The following RUNX2 variants were observed in gnomAD, a reference collection of about 807,000 sequenced individuals.
RUNX2 encodes the protein RUNX family transcription factor 2.
RUNX2 carries 10 observed loss-of-function variants against 51.7 expected under a neutral mutation model. That is an observed-to-expected ratio of 0.19 (90% CI 0.12 to 0.33). The LOEUF (loss-of-function observed/expected upper bound fraction) is 0.33, where lower values mean the gene tolerates loss of function less well. RUNX2 is among the 10% of genes least tolerant of loss of function. The pLI is 1.00. For missense variants in RUNX2, 562 were observed against 691.3 expected, an observed-to-expected ratio of 0.81 and a Z score of 2.10; for synonymous variants, 276 against 273.6, an observed-to-expected ratio of 1.01 and a Z score of -0.09.
intron 7 of RUNX2, among the ~76,000 whole-genome samples, chr6:45,537,482 T>C (rs540301733): frequency 6.6e-6 from 1 of 152,320 alleles, no homozygotes; most frequent in East Asian, 1.9e-4. Context: ...ATTCATATAG[T>C]ATAGTCAGTG....
At chr6:45,390,517 G>A (rs910490011) in intron 2 of RUNX2, among the ~76,000 whole-genome samples, 4 of 152,214 alleles carry the variant, frequency 2.6e-5, no homozygotes, top group Non-Finnish European at 5.9e-5. Flanking sequence ...ATGAGAAACT[G>A]AGAAGTGACT....
intron 2 of RUNX2, among the ~76,000 whole-genome samples, chr6:45,381,220 G>A (rs1188544920): frequency 2.0e-5 from 3 of 152,098 alleles, no homozygotes. Context: ...TACTCAGCCC[G>A]GTAGTACCTG....
chr6:45,338,945 G>A (rs916504459), intron 2 of RUNX2, among the ~76,000 whole-genome samples: 1 of 151,980 alleles, frequency 6.6e-6, no homozygotes, highest in African/African-American at 2.4e-5. Context: ...AGACACATAA[G>A]TATAAACTAT....
chr6:45,518,713 A>T (rs1003162067), intron 7 of RUNX2, among the ~76,000 whole-genome samples: 1 of 152,198 alleles, frequency 6.6e-6, no homozygotes, highest in Non-Finnish European at 1.5e-5. Flanking sequence ...ACCCACACAT[A>T]GGGAAAAGAT....
At chr6:45,454,899 A>G (rs1799277751) in intron 5 of RUNX2, among the ~76,000 whole-genome samples, 1 of 152,148 alleles carries the variant, frequency 6.6e-6, no homozygotes, top group South Asian at 2.1e-4. Flanking sequence ...GGATCACTTG[A>G]GGTCAGGAGT....
intron 2 of RUNX2, among the ~76,000 whole-genome samples, chr6:45,359,263 T>A: frequency 6.6e-6 from 1 of 152,180 alleles, no homozygotes; most frequent in Non-Finnish European, 1.5e-5. Flanking sequence ...CCTATTTCAT[T>A]TCTGAAAGGA....
chr6:45,479,589 T>C (rs1271784019), intron 5 of RUNX2, among the ~76,000 whole-genome samples: 2 of 152,132 alleles, frequency 1.3e-5, no homozygotes, highest in Non-Finnish European at 1.5e-5. Flanking sequence ...TATAACCACA[T>C]ATATGTACGT....
chr6:45,393,526 T>TTCAAGAGATTC (rs1797517298), intron 2 of RUNX2, among the ~76,000 whole-genome samples: 1 of 151,872 alleles, frequency 6.6e-6, no homozygotes, highest in Non-Finnish European at 1.5e-5. Context: ...GCCTCCCAGG[T>TTCAAGAGATTC]TCAAGAGATT....
intron 2 of RUNX2, among the ~76,000 whole-genome samples, chr6:45,385,282 C>T (rs918467038): frequency 1.3e-5 from 2 of 152,182 alleles, no homozygotes; most frequent in African/African-American, 2.4e-5. Flanking sequence ...TGGTTTGAAC[C>T]TCCATTCCAC....
Position 45,361,878 on chromosome 6 carries a change from C to T in RUNX2, c.58+33094C>T, listed in dbSNP as rs542320341. Among the ~76,000 whole-genome samples, 596 of 152,200 alleles carry T rather than the reference C, an allele frequency of 3.9e-3. 7 individuals carry two copies. Among genetic ancestry groups the T allele is most frequent in the African/African-American group, 0.014 (568 of 41,498 alleles). On this transcript the variant is annotated intron_variant, in intron 2 of 8. Coordinates refer to ENST00000647337, the MANE Select transcript of RUNX2 (RefSeq NM_001024630.4). ...CCAGCCTGGCCAACATGGTGAAACC[C>T]CATCTCTACTAAAAATACAAAAATC...
chr6:45,345,983 CCTCA>C (rs1366997654), intron 2 of RUNX2, among the ~76,000 whole-genome samples: 5 of 152,140 alleles, frequency 3.3e-5, no homozygotes, highest in East Asian at 1.9e-4. Flanking sequence ...CCCTACCTAT[CCTCA>C]CTGTCACCCT....
intron 2 of RUNX2, among the ~76,000 whole-genome samples, chr6:45,335,458 TTCAA>T (rs929828340): frequency 4.6e-5 from 7 of 151,282 alleles, no homozygotes; most frequent in Admixed American, 6.6e-5. Flanking sequence ...ATGGATTCTC[TTCAA>T]TCAATTACAA....
intron 3 of RUNX2, among the ~76,000 whole-genome samples, chr6:45,429,026 A>G (rs1390924722): frequency 6.6e-6 from 1 of 152,168 alleles, no homozygotes; most frequent in Non-Finnish European, 1.5e-5. Flanking sequence ...TTGGAACAGA[A>G]CACTGTGTTA....
chr6:45,517,927 A>G (rs1007823790), intron 7 of RUNX2, among the ~76,000 whole-genome samples: 2 of 152,204 alleles, frequency 1.3e-5, no homozygotes, highest in African/African-American at 4.8e-5. Context: ...CACCGAGTCA[A>G]GTTCTTGAAA....
chr6:45,365,124 ATGT>A (rs745904830), intron 2 of RUNX2: 54 of 834,864 alleles, frequency 6.5e-5, no homozygotes, highest in South Asian at 9.4e-5. Flanking sequence ...AGTTTTATAA[ATGT>A]TGTTATGTCT....
In RUNX2 at chr6:45,542,714, A is replaced by C. The variant is rs73737465; in HGVS notation, c.1022-2503A>C. The stretch of plus-strand genomic sequence containing the variant: ...TTTTGAGATATTTTGAGTATTTTTC[A>C]TTTAGGCAAATCAACTTCTAAGATA... On this transcript the variant is annotated intron_variant, in intron 7 of 8. Transcript: ENST00000647337. Among the ~76,000 whole-genome samples, 451 of 152,360 alleles carry C rather than the reference A, an allele frequency of 3.0e-3. 2 individuals carry two copies. The highest frequency in any genetic ancestry group is 0.01 in the African/African-American group (420 of 41,584).
chr6:45,523,434 C>T (rs1260421363), intron 7 of RUNX2, among the ~76,000 whole-genome samples: 2 of 151,756 alleles, frequency 1.3e-5, no homozygotes, highest in African/African-American at 4.8e-5. Context: ...GCCTGGCTAA[C>T]TAATACAAAA....
chr6:45,351,024 G>C (rs916871724), intron 2 of RUNX2, among the ~76,000 whole-genome samples: 2 of 152,078 alleles, frequency 1.3e-5, no homozygotes, highest in African/African-American at 4.8e-5. Context: ...CTCCTTATGA[G>C]AATCTAATGC....
chr6:45,537,919 A>G (rs1043630555), intron 7 of RUNX2, among the ~76,000 whole-genome samples: 4 of 152,202 alleles, frequency 2.6e-5, no homozygotes, highest in African/African-American at 7.2e-5. Context: ...CAGGTCCCCA[A>G]AGAGAATATT....
Sources: gnomAD v4.1 joint callset for allele counts (sites outside exome capture counted in the v4.1 genomes callset) on GRCh38, gnomAD v4.1.1 for gene constraint, MANE v1.5 for transcripts, NCBI Gene and HGNC (gene_info 2026-07-23, HGNC 2026-07-21) for gene names.